The following TMEM164 variants were observed in gnomAD, a reference collection of about 807,000 sequenced individuals.
The protein encoded by TMEM164 is transmembrane protein 164.
A neutral mutation model predicts 18.8 loss-of-function variants in TMEM164; 4 were observed. The ratio of observed to expected loss-of-function variants is 0.21; its 90% CI spans 0.10 to 0.49. TMEM164 has a LOEUF of 0.49. TMEM164 is among the 20% of genes least tolerant of loss of function. TMEM164 has a pLI of 0.98. For missense variants in TMEM164, 108 were observed against 239.9 expected, an observed-to-expected ratio of 0.45 and a Z score of 3.63; for synonymous variants, 86 against 101.7, an observed-to-expected ratio of 0.85 and a Z score of 0.93.
chrX:110,177,988 C>G (rs1255844608), downstream of TMEM164, among the ~76,000 whole-genome samples: 1 of 112,211 alleles, frequency 8.9e-6, no homozygotes, highest in Non-Finnish European at 1.9e-5. Context: ...TGCCAGGGAC[C>G]CAGCAGGCCA....
At chrX:110,105,429 C>T (rs1299350516) in intron 3 of TMEM164, among the ~76,000 whole-genome samples, 1 of 109,703 alleles carries the variant, frequency 9.1e-6, no homozygotes, top group Non-Finnish European at 1.9e-5. Context: ...CCATTTGCCA[C>T]ACCCATTACA....
chrX:110,025,592 T>C (rs922286208), intron 2 of TMEM164, among the ~76,000 whole-genome samples: 1 of 112,357 alleles, frequency 8.9e-6, no homozygotes, highest in African/African-American at 3.2e-5. Flanking sequence ...GAGGCCACAG[T>C]GTGGCAGTAT....
intron 3 of TMEM164, among the ~76,000 whole-genome samples, chrX:110,092,203 G>A (rs2065941243): frequency 2.7e-5 from 3 of 111,556 alleles, no homozygotes. Flanking sequence ...CTCTTTTTTG[G>A]TTCCATATGA....
intron 5 of TMEM164, among the ~76,000 whole-genome samples, chrX:110,149,584 A>T (rs2066911763): frequency 9.0e-6 from 1 of 111,215 alleles, no homozygotes; most frequent in South Asian, 3.8e-4. Context: ...CACTCCTCTG[A>T]GATGTTGAGT....
chrX:110,057,275 T>A (rs1935884515), intron 2 of TMEM164, among the ~76,000 whole-genome samples: 1 of 112,062 alleles, frequency 8.9e-6, no homozygotes, highest in African/African-American at 3.2e-5. Flanking sequence ...TCATAAGATA[T>A]TTTTCTTTCT....
chrX:110,035,118 CTAAATGACGAG>C (rs2147767242), intron 2 of TMEM164, among the ~76,000 whole-genome samples: 1 of 103,117 alleles, frequency 9.7e-6, no homozygotes, highest in African/African-American at 3.6e-5. Context: ...ATACCTAATG[CTAAATGACGAG>C]TTAATGGGTG....
intron 2 of TMEM164, among the ~76,000 whole-genome samples, chrX:110,048,234 A>G (rs754010395): frequency 3.5e-4 from 39 of 111,494 alleles, no homozygotes; most frequent in Non-Finnish European, 6.0e-4. Context: ...GCCTTTAGCT[A>G]TGCTCTTCCC....
At chrX:110,033,747 T>C (rs1175458992) in intron 2 of TMEM164, among the ~76,000 whole-genome samples, 1 of 111,492 alleles carries the variant, frequency 9.0e-6, no homozygotes, top group African/African-American at 3.3e-5. Context: ...GAGAATCAGA[T>C]ACTTTCTAAT....
chrX:110,064,626 T>A (rs368526596), intron 2 of TMEM164, among the ~76,000 whole-genome samples: 8 of 110,423 alleles, frequency 7.2e-5, no homozygotes, highest in African/African-American at 2.6e-4. Flanking sequence ...TGGAATGTAA[T>A]GTAATAAATA....
intron 2 of TMEM164, among the ~76,000 whole-genome samples, chrX:110,055,890 GC>G (rs1433336774): frequency 9.0e-6 from 1 of 110,962 alleles, no homozygotes; most frequent in Non-Finnish European, 1.9e-5. Context: ...GGAGTAGTGA[GC>G]AATGATGCTG....
At chrX:110,026,862 ATCTTTGT>A (rs1934218117) in intron 2 of TMEM164, among the ~76,000 whole-genome samples, 1 of 111,788 alleles carries the variant, frequency 8.9e-6, no homozygotes, top group African/African-American at 3.3e-5. Flanking sequence ...AATGCAGCTG[ATCTTTGT>A]GCATCATTTT....
intron 4 of TMEM164, among the ~76,000 whole-genome samples, chrX:110,123,152 C>T (rs1733560780): frequency 9.0e-6 from 1 of 111,603 alleles, no homozygotes; most frequent in Admixed American, 9.5e-5. Flanking sequence ...GTCCCAGCAC[C>T]ATTTGTTGAA....
At chrX:110,102,868 T>A (rs2066132516) in intron 3 of TMEM164, among the ~76,000 whole-genome samples, 1 of 112,477 alleles carries the variant, frequency 8.9e-6, no homozygotes, top group Non-Finnish European at 1.9e-5. Context: ...TTATTTCACT[T>A]CTTGCCTTCT....
chrX:110,123,684 A>G (rs1482825386), intron 4 of TMEM164, among the ~76,000 whole-genome samples: 1 of 112,243 alleles, frequency 8.9e-6, no homozygotes, highest in Non-Finnish European at 1.9e-5. Flanking sequence ...CAGAAATATT[A>G]CCTCTATCAC....
intron 3 of TMEM164, among the ~76,000 whole-genome samples, chrX:110,071,716 CAAAA>C (rs59182790): frequency 9.2e-5 from 4 of 43,378 alleles, no homozygotes; most frequent in Non-Finnish European, 1.5e-4. Context: ...TTTGTCTCTA[CAAAA>C]AAAAAAAAAA....
chrX:110,119,328 T>C (rs1453965561), intron 4 of TMEM164, among the ~76,000 whole-genome samples: 1 of 110,873 alleles, frequency 9.0e-6, no homozygotes, highest in East Asian at 2.8e-4. Flanking sequence ...GTGCAGTGGC[T>C]CCCACCTGTA....
At chrX:110,181,985 C>T (rs774120010), downstream of TMEM164, among the ~76,000 whole-genome samples, 1 of 111,873 alleles carries the variant, frequency 8.9e-6, no homozygotes, top group African/African-American at 3.3e-5. Context: ...GTGTGTAGGA[C>T]AGGTGATACC....
chrX:110,129,566 T>C (rs939373849), intron 4 of TMEM164, among the ~76,000 whole-genome samples: 2 of 112,868 alleles, frequency 1.8e-5, no homozygotes, highest in East Asian at 2.7e-4. Flanking sequence ...AGTTCATAGA[T>C]TGAAAAATAA....
intron 5 of TMEM164, among the ~76,000 whole-genome samples, chrX:110,148,525 T>G (rs2066891020): frequency 9.1e-6 from 1 of 110,202 alleles, no homozygotes; most frequent in African/African-American, 3.3e-5. Context: ...TTTTTTCTTT[T>G]TTTAGACAGG....
Sources: gnomAD v4.1 joint callset for allele counts (sites outside exome capture counted in the v4.1 genomes callset) on GRCh38, gnomAD v4.1.1 for gene constraint, MANE v1.5 for transcripts, NCBI Gene and HGNC (gene_info 2026-07-23, HGNC 2026-07-21) for gene names.